Variants in DACH2 observed in about 807,000 individuals in gnomAD.
DACH2 encodes dachshund family transcription factor 2.
In DACH2, 17 loss-of-function variants were observed where a neutral mutation model predicts 35.8. The ratio of observed to expected loss-of-function variants is 0.48; its 90% CI spans 0.33 to 0.71. DACH2 has a LOEUF of 0.71. Ranked by LOEUF, DACH2 falls within the 30% of genes least tolerant of loss-of-function variation. DACH2 has a pLI of 0.02. For missense variants in DACH2, 469 were observed against 472.7 expected, an observed-to-expected ratio of 0.99 and a Z score of 0.07; for synonymous variants, 195 against 177.3, an observed-to-expected ratio of 1.10 and a Z score of -0.79.
chrX:86,553,839 T>G (rs2039081667), intron 3 of DACH2, among the ~76,000 whole-genome samples: 1 of 111,885 alleles, frequency 8.9e-6, no homozygotes, highest in Non-Finnish European at 1.9e-5. Context: ...CATGAGTTTA[T>G]AAACACTTCT....
At chrX:86,581,631 A>C (rs1041935694) in intron 3 of DACH2, among the ~76,000 whole-genome samples, 3 of 112,200 alleles carry the variant, frequency 2.7e-5, no homozygotes, top group Non-Finnish European at 3.8e-5. Flanking sequence ...AAGAAAAAAA[A>C]ATAAAAAATT....
chrX:86,402,111 T>C (rs974423634), intron 2 of DACH2, among the ~76,000 whole-genome samples: 2 of 111,827 alleles, frequency 1.8e-5, no homozygotes, highest in Non-Finnish European at 3.8e-5. Flanking sequence ...AGTGTTCCCT[T>C]TGAGAACCAG....
chrX:86,283,897 C>CACACACAT (rs2034090372), intron 1 of DACH2, among the ~76,000 whole-genome samples: 3 of 106,178 alleles, frequency 2.8e-5, no homozygotes, highest in African/African-American at 1.1e-4. Context: ...CACACACATA[C>CACACACAT]ACACACACAC....
At chrX:86,694,051 C>T (rs1246735025) in intron 4 of DACH2, among the ~76,000 whole-genome samples, 2 of 111,204 alleles carry the variant, frequency 1.8e-5, no homozygotes, top group Non-Finnish European at 3.8e-5. Context: ...AAGCCTAAAC[C>T]CCACACACAG....
intron 2 of DACH2, among the ~76,000 whole-genome samples, chrX:86,386,585 G>T (rs1477819317): frequency 9.0e-6 from 1 of 111,082 alleles, no homozygotes; most frequent in Non-Finnish European, 1.9e-5. Flanking sequence ...TATCAGCATA[G>T]ACTTCTAGGT....
intron 3 of DACH2, among the ~76,000 whole-genome samples, chrX:86,629,959 T>A (rs7884963): frequency 0.12 from 13,791 of 111,176 alleles, 751 homozygotes; most frequent in East Asian, 0.32. Flanking sequence ...AGAGAACAGA[T>A]GAACTTTATA....
At chrX:86,374,037 A>G (rs1396853573) in intron 1 of DACH2, among the ~76,000 whole-genome samples, 1 of 111,155 alleles carries the variant, frequency 9.0e-6, no homozygotes, top group African/African-American at 3.3e-5. Flanking sequence ...CTGACATTTT[A>G]ACTGGACTCC....
intron 5 of DACH2, among the ~76,000 whole-genome samples, chrX:86,710,828 G>T (rs766376944): frequency 1.8e-5 from 2 of 111,825 alleles, no homozygotes; most frequent in South Asian, 7.5e-4. Context: ...CTTAAAAAGG[G>T]AGTGGAAAAG....
chrX:86,635,884 CACAA>C (rs1282423976), intron 3 of DACH2, among the ~76,000 whole-genome samples: 1 of 111,127 alleles, frequency 9.0e-6, no homozygotes, highest in African/African-American at 3.3e-5. Context: ...TCAGAGATGA[CACAA>C]ACAAATGGAA....
intron 3 of DACH2, among the ~76,000 whole-genome samples, chrX:86,530,458 T>G (rs889831651): frequency 5.4e-5 from 6 of 111,182 alleles, no homozygotes; most frequent in Non-Finnish European, 1.1e-4. Flanking sequence ...TTTCATGAGA[T>G]CTGATGGTTT....
chrX:86,814,649 C>T (rs767342565), intron 9 of DACH2, 39 bp from the exon 10 acceptor site: 2 of 1,190,434 alleles, frequency 1.7e-6, no homozygotes, highest in Non-Finnish European at 1.1e-6. Context: ...ATCCCTATTT[C>T]ATTGCTCAAG....
chrX:86,405,913 T>C (rs764100014), intron 2 of DACH2, among the ~76,000 whole-genome samples: 2 of 111,334 alleles, frequency 1.8e-5, no homozygotes, highest in South Asian at 3.8e-4. Flanking sequence ...CACATGGTGG[T>C]GGCGGCAAGG....
intron 1 of DACH2, among the ~76,000 whole-genome samples, chrX:86,349,475 A>G (rs2035555240): frequency 1.8e-5 from 2 of 111,875 alleles, no homozygotes; most frequent in Non-Finnish European, 3.8e-5. Context: ...GGGTGCGAAA[A>G]CAGGAGTGCC....
intron 3 of DACH2, 110 bp downstream of exon 3, chrX:86,514,501 T>A: frequency 1.4e-6 from 1 of 726,763 alleles, no homozygotes; most frequent in East Asian, 3.6e-5. Context: ...CAAGCTCTAT[T>A]AGAGGTTACA....
intron 4 of DACH2, among the ~76,000 whole-genome samples, chrX:86,651,499 T>G (rs764088204): frequency 3.6e-5 from 4 of 111,705 alleles, no homozygotes; most frequent in African/African-American, 9.7e-5. Flanking sequence ...CATCCTATTC[T>G]AAATAATTTA....
At chrX:86,244,770 T>C (rs2033243814) in intron 1 of DACH2, among the ~76,000 whole-genome samples, 1 of 112,446 alleles carries the variant, frequency 8.9e-6, no homozygotes, top group African/African-American at 3.2e-5. Flanking sequence ...TTAAAAAGTT[T>C]TTCAAATTTA....
At chrX:86,485,060 G>T (rs12837638) in intron 2 of DACH2, among the ~76,000 whole-genome samples, 514 of 111,399 alleles carry the variant, frequency 4.6e-3, no homozygotes, top group African/African-American at 5.2e-3. Context: ...GTATTTTTTT[G>T]TGTGTGTATT....
At chrX:86,524,715 C>G (rs942315027) in intron 3 of DACH2, among the ~76,000 whole-genome samples, 1 of 111,216 alleles carries the variant, frequency 9.0e-6, no homozygotes. Flanking sequence ...AAAAATGTCT[C>G]CCCCCAATTT....
At chrX:86,646,062 A>G (rs1221376139) in intron 3 of DACH2, among the ~76,000 whole-genome samples, 4 of 111,677 alleles carry the variant, frequency 3.6e-5, no homozygotes, top group Admixed American at 9.5e-5. Flanking sequence ...AAAAAGTTTA[A>G]AAAAGAAATA....
Sources: gnomAD v4.1 joint callset for allele counts (sites outside exome capture counted in the v4.1 genomes callset) on GRCh38, gnomAD v4.1.1 for gene constraint, MANE v1.5 for transcripts, NCBI Gene and HGNC (gene_info 2026-07-23, HGNC 2026-07-21) for gene names.